Variants in CRTAC1 observed in about 807,000 individuals in gnomAD.
CRTAC1 encodes acidic secreted protein in cartilage.
In CRTAC1, 37 loss-of-function variants were observed where a neutral mutation model predicts 67.8. The ratio of observed to expected loss-of-function variants is 0.55; its 90% CI spans 0.42 to 0.72. The LOEUF is 0.72. CRTAC1 is among the 30% of genes least tolerant of loss of function. CRTAC1 has a pLI of 0.00. For missense variants in CRTAC1, 780 were observed against 931.6 expected (o/e 0.84, Z 2.12); for synonymous variants, 348 against 371.0 (o/e 0.94, Z 0.71).
chr10:97,999,977 C>A (rs562614051), intron 2 of CRTAC1, among the ~76,000 whole-genome samples: 2 of 152,308 alleles, frequency 1.3e-5, no homozygotes, highest in Admixed American at 1.3e-4. Context: ...GAATGACCAG[C>A]TGCAGAGAGG....
intron 2 of CRTAC1, among the ~76,000 whole-genome samples, chr10:97,995,658 A>G (rs557304909): frequency 1.5e-4 from 23 of 152,304 alleles, no homozygotes; most frequent in Non-Finnish European, 2.9e-4. Context: ...CAGAAAAGTG[A>G]GCTGAAATTA....
intron 2 of CRTAC1, among the ~76,000 whole-genome samples, chr10:97,983,782 C>G (rs772824753): frequency 1.3e-5 from 2 of 152,188 alleles, no homozygotes; most frequent in Non-Finnish European, 2.9e-5. Flanking sequence ...GTGACCATAT[C>G]AAGATGCGGG....
chr10:98,026,995 G>A (rs1261026529), intron 1 of CRTAC1, among the ~76,000 whole-genome samples: 1 of 152,094 alleles, frequency 6.6e-6, no homozygotes, highest in Non-Finnish European at 1.5e-5. Context: ...GTGAAACCCC[G>A]TCTCTACTAA....
rs532734103 is a variant in CRTAC1 at position 97,884,274 on chromosome 10, T to A, written c.1564A>T (p.Met522Leu). 5 of 1,560,006 alleles carry A rather than the reference T, an allele frequency of 3.2e-6. No individual in the cohort carries two copies. The highest frequency in any genetic ancestry group is 4.3e-6 in the Non-Finnish European group (5 of 1,151,246). ...TAGAGGATCTCCAGCACTGAGTTCA[T>A]CTCCCCGCTGGCCACGTTCCGGCTC... ...MVSRNVASGE[M>L]NSVLEILYPR... The change falls in exon 12 of 15, where the codon ATG (methionine) becomes TTG (leucine). Residue 522 changes from methionine (M) to leucine (L), a missense_variant. Met to Leu is a conservative substitution (Grantham distance 15). Transcript: ENST00000370597.
At chr10:97,936,782 T>A (rs1258233463) in intron 2 of CRTAC1, among the ~76,000 whole-genome samples, 2 of 152,214 alleles carry the variant, frequency 1.3e-5, no homozygotes, top group African/African-American at 4.8e-5. Flanking sequence ...GGTAGGCATG[T>A]ATTAGTAACC....
At chr10:97,881,826 T>C (rs376042838) in intron 13 of CRTAC1, among the ~76,000 whole-genome samples, 1 of 152,074 alleles carries the variant, frequency 6.6e-6, no homozygotes, top group Non-Finnish European at 1.5e-5. Context: ...ACCAGAACCA[T>C]GTCTCCCCTC....
chr10:98,020,104 G>C (rs1056539315), intron 1 of CRTAC1, among the ~76,000 whole-genome samples: 10 of 152,036 alleles, frequency 6.6e-5, no homozygotes, highest in Non-Finnish European at 8.8e-5. Flanking sequence ...TCACTCACCT[G>C]AACAATAGCA....
chr10:97,901,021 C>T (rs58170589), intron 8 of CRTAC1, among the ~76,000 whole-genome samples: 103 of 116,488 alleles, frequency 8.8e-4, no homozygotes, highest in Middle Eastern at 5.3e-3. Flanking sequence ...GATTGGAGCC[C>T]GTAGCCCCTT....
intron 3 of CRTAC1, among the ~76,000 whole-genome samples, chr10:97,932,548 T>C (rs2051018483): frequency 6.6e-6 from 1 of 152,044 alleles, no homozygotes; most frequent in African/African-American, 2.4e-5. Context: ...GGGGTACAAT[T>C]TTAGATACGG....
intron 2 of CRTAC1, among the ~76,000 whole-genome samples, chr10:97,965,698 T>A (rs1186101621): frequency 6.6e-6 from 1 of 152,004 alleles, no homozygotes; most frequent in African/African-American, 2.4e-5. Flanking sequence ...TTAGCCTCTA[T>A]GGGCTATATT....
chr10:98,007,212 C>T (rs1842806679), intron 2 of CRTAC1, among the ~76,000 whole-genome samples: 1 of 152,114 alleles, frequency 6.6e-6, no homozygotes, highest in South Asian at 2.1e-4. Context: ...GTAGGATTGC[C>T]ACGTTCGCTT....
chr10:97,982,129 T>G (rs2051901484), intron 2 of CRTAC1, among the ~76,000 whole-genome samples: 1 of 152,212 alleles, frequency 6.6e-6, no homozygotes, highest in African/African-American at 2.4e-5. Flanking sequence ...TATTCTTTCA[T>G]ACCTTATCTG....
chr10:97,895,108 T>C lies in CRTAC1; in HGVS notation c.1486+137A>G, dbSNP rs879929591. On this transcript the variant is annotated intron_variant, in intron 11 of 14. Coordinates refer to ENST00000370597, the MANE Select transcript of CRTAC1 (RefSeq NM_018058.7). This position sits in a 1 kb window ranked among gnomAD's most constrained non-coding sequence, Gnocchi z 4.2. ...AGCTCAGGCTCATCTCAGAGTAGGG[T>C]TTGTCCCCAGTAGCTGGTGTCCACC... 12 of 820,216 alleles carry C rather than the reference T, an allele frequency of 1.5e-5. No individual in the cohort carries two copies. The highest frequency in any genetic ancestry group is 2.2e-5 in the Non-Finnish European group (12 of 535,764). 50.8% of individuals were successfully genotyped at this position (820,216 alleles called of 1,614,324 possible).
chr10:97,904,458 G>A (rs891728592), intron 7 of CRTAC1, among the ~76,000 whole-genome samples: 2 of 152,070 alleles, frequency 1.3e-5, no homozygotes, highest in Non-Finnish European at 1.5e-5. Context: ...GTCTCGCTCT[G>A]TCACTCAGGC....
intron 2 of CRTAC1, among the ~76,000 whole-genome samples, chr10:97,962,550 T>C (rs2051542875): frequency 6.6e-6 from 1 of 152,208 alleles, no homozygotes; most frequent in African/African-American, 2.4e-5. Flanking sequence ...GTGAAACAGA[T>C]GCTCTGAAGA....
In CRTAC1 at chr10:97,865,577, C is replaced by T. The variant is rs751368422; in HGVS notation, c.1957G>A (p.Val653Ile). ...CAGCTGGGCTCGCAGCTCTCCTTAA[C>T]CACCGACCCCAGATTGAGATCTCCA... The part of the protein sequence containing the change: ...VDGDLNLGSV[V>I]KESCEPSC The change falls in exon 15 of 15, where the codon GTT becomes ATT. Residue 653 changes from valine to isoleucine, a missense_variant. Physicochemically the swap from Val to Ile is conservative, Grantham distance 29 (BLOSUM62 3). Coordinates refer to ENST00000370597, the MANE Select transcript of CRTAC1 (RefSeq NM_018058.7). 6.2e-7 allele frequency: 1 copy of T among 1,612,544 alleles called. No individual in the cohort carries two copies. Among genetic ancestry groups the T allele is most frequent in the Admixed American group, 1.7e-5 (1 of 59,992 alleles).
intron 14 of CRTAC1, among the ~76,000 whole-genome samples, chr10:97,873,299 G>A (rs867821590): frequency 6.6e-6 from 1 of 152,196 alleles, no homozygotes; most frequent in Non-Finnish European, 1.5e-5. Flanking sequence ...CTCTAAGAAC[G>A]AACATGGCAT....
rs191875043 is a variant in CRTAC1, at chr10:97,940,184, A to C, written c.225-3818T>G. ...ATTGTCTCATTCCGTCCTCACAACA[A>C]TCCTAGGACATGGGTCTTATTAACA... is the stretch of plus-strand genomic sequence containing the variant. On this transcript the variant is annotated intron_variant, in intron 2 of 14. Coordinates refer to ENST00000370597, the MANE Select transcript of CRTAC1 (RefSeq NM_018058.7). 5.3e-5 allele frequency among the ~76,000 whole-genome samples: 8 copies of C among 152,264 alleles called. No homozygotes were observed. In the East Asian group the frequency reaches 1.5e-3, roughly 29 times the overall value.
chr10:97,901,688 G>A (rs774561176), intron 7 of CRTAC1, 49 bp from the exon 8 acceptor site: 13 of 1,609,340 alleles, frequency 8.1e-6, no homozygotes, highest in African/African-American at 6.7e-5. Context: ...GGGCTGGGGC[G>A]GGAGGCCAGC....
Sources: gnomAD v4.1 joint callset for allele counts (sites outside exome capture counted in the v4.1 genomes callset) on GRCh38, gnomAD v4.1.1 for gene constraint, Gnocchi (gnomAD v3.1) non-coding constraint, MANE v1.5 for transcripts, NCBI Gene and HGNC (gene_info 2026-07-23, HGNC 2026-07-21) for gene names.